PLCG2: variants seen among roughly 807,000 people sequenced by gnomAD.
The protein encoded by PLCG2 is phospholipase C gamma 2.
In PLCG2, 69 loss-of-function variants were observed where a neutral mutation model predicts 175.6. The ratio of observed to expected loss-of-function variants is 0.39; its 90% CI spans 0.32 to 0.48. The LOEUF is 0.48. Ranked by LOEUF, PLCG2 falls within the 20% of genes least tolerant of loss-of-function variation. PLCG2 has a pLI of 0.91. For missense variants in PLCG2, 1,798 were observed against 1,650.9 expected, an observed-to-expected ratio of 1.09 and a Z score of -1.54; for synonymous variants, 827 against 624.0, an observed-to-expected ratio of 1.33 and a Z score of -4.85.
chr16:81,858,655 G>T (rs977698878), intron 4 of PLCG2, among the ~76,000 whole-genome samples: 8 of 152,110 alleles, frequency 5.3e-5, no homozygotes, highest in African/African-American at 1.7e-4. Context: ...CCTTCTTAAA[G>T]GATTTAATAA....
chr16:81,874,948 GTTTTTTTTTT>G (rs770994063), intron 7 of PLCG2, among the ~76,000 whole-genome samples: 6 of 40,772 alleles, frequency 1.5e-4, no homozygotes, highest in African/African-American at 2.3e-4. Context: ...TATCCTATGT[GTTTTTTTTTT>G]TTTTTTTTTT....
At chr16:81,831,883 G>A (rs1448272158) in intron 2 of PLCG2, among the ~76,000 whole-genome samples, 2 of 152,230 alleles carry the variant, frequency 1.3e-5, no homozygotes, top group South Asian at 2.1e-4. Context: ...GCCTGGTGGG[G>A]AAATGAAGGG....
intron 2 of PLCG2, among the ~76,000 whole-genome samples, chr16:81,850,363 AC>A (rs1906343024): frequency 2.6e-5 from 4 of 152,206 alleles, no homozygotes; most frequent in African/African-American, 7.2e-5. Context: ...AAACAAACAA[AC>A]AAAAAAGTTT....
At chr16:81,941,791 C>T (rs1010494404) in intron 30 of PLCG2, among the ~76,000 whole-genome samples, 1 of 151,788 alleles carries the variant, frequency 6.6e-6, no homozygotes, top group African/African-American at 2.4e-5. Flanking sequence ...CTGCCTCAGC[C>T]TCCTCAGTAG....
chr16:81,874,948 GTTTTTTT>G (rs770994063), intron 7 of PLCG2, among the ~76,000 whole-genome samples: 4 of 40,770 alleles, frequency 9.8e-5, no homozygotes, highest in African/African-American at 3.1e-4. Context: ...TATCCTATGT[GTTTTTTT>G]TTTTTTTTTT....
At chr16:81,814,733 C>G (rs958876608) in intron 2 of PLCG2, among the ~76,000 whole-genome samples, 2 of 152,092 alleles carry the variant, frequency 1.3e-5, no homozygotes, top group African/African-American at 2.4e-5. Context: ...ACATGAAGCA[C>G]AGGCAGAATG....
chr16:81,850,364 CA>C (rs1906343238), intron 2 of PLCG2, among the ~76,000 whole-genome samples: 2 of 152,018 alleles, frequency 1.3e-5, no homozygotes, highest in Admixed American at 1.3e-4. Flanking sequence ...AACAAACAAA[CA>C]AAAAAGTTTC....
intron 2 of PLCG2, among the ~76,000 whole-genome samples, chr16:81,828,913 C>G (rs191059474): frequency 6.6e-6 from 1 of 152,102 alleles, no homozygotes; most frequent in South Asian, 2.1e-4. Flanking sequence ...CTGTATCTTA[C>G]CAACTGCATT....
chr16:81,892,660 A>T (rs1463346957), intron 11 of PLCG2, among the ~76,000 whole-genome samples: 4 of 151,884 alleles, frequency 2.6e-5, no homozygotes, highest in Non-Finnish European at 4.4e-5. Context: ...CTTAAAAAAA[A>T]AACTTTTATT....
chr16:81,770,069 G>T (rs1169059877), intron 2 of PLCG2, among the ~76,000 whole-genome samples: 1 of 152,124 alleles, frequency 6.6e-6, no homozygotes, highest in Non-Finnish European at 1.5e-5. Flanking sequence ...AAGCCAAAAA[G>T]ATTCCAAATG....
At chr16:81,868,782 C>CTG (rs1394972981) in intron 5 of PLCG2, among the ~76,000 whole-genome samples, 1 of 152,280 alleles carries the variant, frequency 6.6e-6, no homozygotes, top group Non-Finnish European at 1.5e-5. Context: ...ACTGAATCTC[C>CTG]TGCAAGACCT....
chr16:81,928,315 A>G (rs1910361299), intron 23 of PLCG2, among the ~76,000 whole-genome samples: 1 of 152,090 alleles, frequency 6.6e-6, no homozygotes, highest in African/African-American at 2.4e-5. Flanking sequence ...TAGAATTCAC[A>G]AGGCACGTTT....
rs552894189 is a variant in PLCG2 at position 81,879,064 on chromosome 16, C to T, written c.649-1846C>T. 5.9e-5 allele frequency among the ~76,000 whole-genome samples: 9 copies of T among 152,148 alleles called. No individual in the cohort carries two copies. The South Asian group carries it at 6.2e-4, about 11-fold the overall frequency. ...CCATGGTGGTACCTCTGCCATTGTC[C>T]GAGCTCCCTGAGTGGGGGAATGCGG... On this transcript the variant is annotated intron_variant, in intron 7 of 32. Coordinates refer to ENST00000564138, the MANE Select transcript of PLCG2 (RefSeq NM_002661.5).
intron 2 of PLCG2, among the ~76,000 whole-genome samples, chr16:81,826,190 G>T (rs370287809): frequency 6.6e-6 from 1 of 152,236 alleles, no homozygotes; most frequent in East Asian, 1.9e-4. Context: ...AGTCCTCCTC[G>T]GCCCCTTTGC....
intron 31 of PLCG2, among the ~76,000 whole-genome samples, chr16:81,954,696 T>C (rs2143775379): frequency 6.6e-6 from 1 of 152,366 alleles, no homozygotes; most frequent in Middle Eastern, 3.4e-3. Flanking sequence ...TGCATAGTAT[T>C]CCATGGTGTA....
intron 2 of PLCG2, among the ~76,000 whole-genome samples, chr16:81,852,461 A>AAAGGG (rs1906465947): frequency 7.0e-6 from 1 of 143,422 alleles, no homozygotes; most frequent in African/African-American, 2.5e-5. Flanking sequence ...TTTTCAGAAG[A>AAAGGG]AAGGGAAAGA....
intron 25 of PLCG2, among the ~76,000 whole-genome samples, chr16:81,932,465 T>C (rs1910541282): frequency 6.6e-6 from 1 of 152,060 alleles, no homozygotes; most frequent in Non-Finnish European, 1.5e-5. Context: ...AATTGTAGGG[T>C]TTCCCATGCA....
In PLCG2 at chr16:81,947,349, G is replaced by A. The variant is rs79783478; in HGVS notation, c.3570+1086G>A. ...AAGTTTTCTTTAGTTCAGCTGCTAGGTCTTGAGATTTCATTTAATTCCACA... is the reference window on the plus strand; with the variant it reads ...AAGTTTTCTTTAGTTCAGCTGCTAGATCTTGAGATTTCATTTAATTCCACA... On this transcript the variant is annotated intron_variant, in intron 31 of 32. Coordinates refer to ENST00000564138, the MANE Select transcript of PLCG2 (RefSeq NM_002661.5). Among the ~76,000 whole-genome samples, 1,307 of 152,248 alleles carry A rather than the reference G, an allele frequency of 8.6e-3. 23 individuals are homozygous for A. The highest frequency in any genetic ancestry group is 0.03 in the African/African-American group (1,237 of 41,532).
At chr16:81,898,521 G>A (rs1335415961) in intron 13 of PLCG2, 1 of 152,096 alleles carries the variant, frequency 6.6e-6, no homozygotes, top group Non-Finnish European at 1.5e-5. Context: ...ACATGGTTAA[G>A]GATTTTATTT....
Sources: allele counts gnomAD v4.1 joint callset (sites outside exome capture counted in the v4.1 genomes callset), GRCh38; gene constraint gnomAD v4.1.1; transcripts MANE v1.5; gene names NCBI Gene and HGNC (gene_info 2026-07-23, HGNC 2026-07-21).